Variants in NDEL1 observed in about 807,000 individuals in gnomAD.
NDEL1 encodes the protein nuclear distribution protein nudE-like 1.
NDEL1 carries 9 observed loss-of-function variants against 45.7 expected under a neutral mutation model. The ratio of observed to expected loss-of-function variants is 0.20; its 90% CI spans 0.12 to 0.34. The LOEUF (loss-of-function observed/expected upper bound fraction) is 0.34. Ranked by LOEUF, NDEL1 falls within the 10% of genes least tolerant of loss-of-function variation. The probability of loss-of-function intolerance (pLI) is 1.00; values close to 1 mark genes in which losing one functional copy is unlikely to be tolerated. For missense variants in NDEL1, 306 were observed against 406.2 expected (o/e 0.75, Z 2.12); for synonymous variants, 133 against 158.6 (o/e 0.84, Z 1.21).
upstream of NDEL1, among the ~76,000 whole-genome samples, chr17:8,435,140 A>G (rs762996202): frequency 6.6e-6 from 1 of 152,020 alleles, no homozygotes; most frequent in Non-Finnish European, 1.5e-5. Context: ...TACACATAGG[A>G]CTCCATTTCT....
chr17:8,450,014 G>A (rs897606427), intron 5 of NDEL1, among the ~76,000 whole-genome samples: 17 of 152,190 alleles, frequency 1.1e-4, no homozygotes, highest in Non-Finnish European at 1.9e-4. Context: ...TGGGTGTGGC[G>A]GCTCACGCCT....
At chr17:8,430,337 C>A (rs1908968019) in intron 1 of NDEL1, among the ~76,000 whole-genome samples, 1 of 152,172 alleles carries the variant, frequency 6.6e-6, no homozygotes, top group Non-Finnish European at 1.5e-5. Flanking sequence ...TAGGTTGAAG[C>A]TGATTTTGAG....
chr17:8,462,195 G>T (rs1382258850), intron 8 of NDEL1, among the ~76,000 whole-genome samples: 1 of 151,736 alleles, frequency 6.6e-6, no homozygotes, highest in Non-Finnish European at 1.5e-5. Flanking sequence ...TTCCCAATCG[G>T]AACAGTTGCA....
At chr17:8,471,979 G>A (rs77943508), downstream of NDEL1, among the ~76,000 whole-genome samples, 1,842 of 152,246 alleles carry the variant, frequency 0.012, 31 homozygotes, top group African/African-American at 0.042. Context: ...GCCTCGCAAG[G>A]GGAGACCTGC....
chr17:8,462,806 T>TTG (rs202247704), intron 8 of NDEL1: 2 of 152,472 alleles, frequency 1.3e-5, no homozygotes, highest in African/African-American at 4.8e-5. Flanking sequence ...CAAAGTAGGT[T>TTG]TGTGTGTGTG....
chr17:8,439,222 G>A (rs1478368920), intron 1 of NDEL1, among the ~76,000 whole-genome samples: 1 of 150,728 alleles, frequency 6.6e-6, no homozygotes, highest in Non-Finnish European at 1.5e-5. Flanking sequence ...TTACAGGTGT[G>A]AGCCACTGTG....
Position 8,454,746 on chromosome 17 carries a change from A to G in NDEL1, c.701-50A>G, listed in dbSNP as rs752389280. 1.3e-5 allele frequency: 19 copies of G among 1,438,252 alleles called. No individual in the cohort carries two copies. In the Middle Eastern group the frequency reaches 1.4e-3, roughly 107 times the overall value. The allele number at this position is 1,438,252 out of a possible 1,614,324, so 89.1% of individuals were successfully genotyped here. ...TTTGTAACATCAACAACAAAACCCA[A>G]ATGTAAAGGGAACTGCAAGTGTAAT... On this transcript the variant is annotated intron_variant, in intron 6 of 8. Coordinates refer to ENST00000334527, the MANE Select transcript of NDEL1 (RefSeq NM_030808.5).
Position 8,460,051 on chromosome 17 carries a change from G to C in NDEL1, c.835G>C (p.Asp279His). 6.2e-7 allele frequency: 1 copy of C among 1,614,056 alleles called. No homozygotes were observed. Among genetic ancestry groups the C allele is most frequent in the Non-Finnish European group, 8.5e-7 (1 of 1,179,992 alleles). ...KLAACRNFAK[D>H]QASRKSYISG... ...AGCAGCTTGCAGGAATTTTGCAAAG[G>C]ACCAAGCATCACGAAAATCCTATAT... Residue 279 changes from aspartate to histidine, a missense_variant, in exon 8 of 9, where the codon GAC becomes CAC. Coordinates refer to ENST00000334527, the MANE Select transcript of NDEL1 (RefSeq NM_030808.5).
chr17:8,464,272 C>G (rs1189788313), intron 8 of NDEL1: 1 of 152,122 alleles, frequency 6.6e-6, no homozygotes, highest in Admixed American at 6.5e-5. Context: ...TATATGATTC[C>G]CAGATCTGTA....
At chr17:8,469,726 T>TG (rs1171849734), downstream of NDEL1, among the ~76,000 whole-genome samples, 61 of 148,766 alleles carry the variant, frequency 4.1e-4, 1 homozygote, top group African/African-American at 1.4e-3. Flanking sequence ...TTTTTTGAGA[T>TG]GGAGTCTCGC....
At chr17:8,466,770 G>A in intron 8 of NDEL1, 160 bp from the exon 9 acceptor site, 1 of 654,960 alleles carries the variant, frequency 1.5e-6, no homozygotes, top group South Asian at 1.9e-5. Context: ...CTAACCAGCT[G>A]GTGCTTTCCA....
At chr17:8,436,983 C>T (rs771489079) in intron 1 of NDEL1, among the ~76,000 whole-genome samples, 1 of 152,132 alleles carries the variant, frequency 6.6e-6, no homozygotes, top group Non-Finnish European at 1.5e-5. Flanking sequence ...CAAAACAAGG[C>T]AGAAAATGTG....
At chr17:8,455,780 T>C (rs1910802463) in intron 7 of NDEL1, among the ~76,000 whole-genome samples, 1 of 151,788 alleles carries the variant, frequency 6.6e-6, no homozygotes, top group Non-Finnish European at 1.5e-5. Flanking sequence ...TCATCAAGAG[T>C]ATTACCCCAT....
At chr17:8,449,885 A>G (rs1191629882) in intron 5 of NDEL1, among the ~76,000 whole-genome samples, 1 of 152,224 alleles carries the variant, frequency 6.6e-6, no homozygotes, top group Non-Finnish European at 1.5e-5. Context: ...ATTCTTTTGG[A>G]TACATACCCA....
intron 8 of NDEL1, chr17:8,466,069 T>G (rs1239940404): frequency 2.6e-5 from 4 of 152,192 alleles, no homozygotes; most frequent in Non-Finnish European, 5.9e-5. Context: ...AGCCTACTCA[T>G]CTGGCGTTGC....
chr17:8,451,842 T>G (rs1910524757), intron 6 of NDEL1, among the ~76,000 whole-genome samples: 1 of 152,200 alleles, frequency 6.6e-6, no homozygotes, highest in Admixed American at 6.5e-5. Context: ...GTTTTATCTT[T>G]TAGAATGCTA....
At chr17:8,428,013 T>C (rs184501342) in intron 1 of NDEL1, among the ~76,000 whole-genome samples, 80 of 152,334 alleles carry the variant, frequency 5.3e-4, no homozygotes, top group Non-Finnish European at 9.3e-4. Flanking sequence ...ATCCTATGAA[T>C]ATGAAGCCCT....
At chr17:8,428,275 T>C (rs1344386945) in intron 1 of NDEL1, among the ~76,000 whole-genome samples, 18 of 151,178 alleles carry the variant, frequency 1.2e-4, no homozygotes, top group Non-Finnish European at 1.5e-5. Flanking sequence ...ATGAAAGACT[T>C]TTCTCTCTAT....
intron 1 of NDEL1, among the ~76,000 whole-genome samples, chr17:8,421,596 C>T (rs986804925): frequency 3.3e-5 from 5 of 152,066 alleles, no homozygotes; most frequent in Non-Finnish European, 2.9e-5. Context: ...CTTTAAGTAT[C>T]GGTTTAGACA....
Sources: gnomAD v4.1 joint callset for allele counts (sites outside exome capture counted in the v4.1 genomes callset) on GRCh38, gnomAD v4.1.1 for gene constraint, MANE v1.5 for transcripts, NCBI Gene and HGNC (gene_info 2026-07-23, HGNC 2026-07-21) for gene names.